The following OOSP4A variants were observed in gnomAD, a reference collection of about 807,000 sequenced individuals.
The protein encoded by OOSP4A is oocyte-secreted protein 4A.
chr11:59,968,129 C>A (rs1372946373), intron 3 of OOSP4A, among the ~76,000 whole-genome samples: 1 of 152,172 alleles, frequency 6.6e-6, no homozygotes, highest in African/African-American at 2.4e-5. Context: ...TTAGTATAAT[C>A]TGAGTAGTAC....
intron 2 of OOSP4A, among the ~76,000 whole-genome samples, chr11:59,966,454 G>A (rs1854099866): frequency 6.6e-6 from 1 of 150,752 alleles, no homozygotes; most frequent in Non-Finnish European, 1.5e-5. Flanking sequence ...ATTTAGGTCT[G>A]CCTAAATCAG....
intron 3 of OOSP4A, 34 bp from the exon 4 acceptor site, chr11:59,969,116 A>C: frequency 2.5e-6 from 1 of 398,272 alleles, no homozygotes; most frequent in East Asian, 3.6e-5. Context: ...CATAATATAT[A>C]CAAAGCTTAA....
chr11:59,965,597 G>A (rs2134584426), exon 2 of OOSP4A: 1 of 398,494 alleles, frequency 2.5e-6, no homozygotes, highest in South Asian at 1.3e-4. Context: ...GCTGTTAAAT[G>A]ACCTGCAACC....
At chr11:59,966,209 G>A (rs1049485282) in intron 2 of OOSP4A, among the ~76,000 whole-genome samples, 4 of 146,160 alleles carry the variant, frequency 2.7e-5, no homozygotes, top group African/African-American at 5.1e-5. Flanking sequence ...GCTATGTTTT[G>A]TAATTATAGC....
intron 2 of OOSP4A, among the ~76,000 whole-genome samples, chr11:59,966,199 G>A (rs1205741882): frequency 6.9e-6 from 1 of 145,110 alleles, no homozygotes; most frequent in Non-Finnish European, 1.5e-5. Context: ...TTAAATTGTT[G>A]CTATGTTTTG....
At chr11:59,969,960 C>T (rs1025938835) in intron 4 of OOSP4A, 89 bp from the exon 5 acceptor site, 21 of 395,464 alleles carry the variant, frequency 5.3e-5, no homozygotes, top group Non-Finnish European at 8.0e-5. Context: ...CTTTTTCCCA[C>T]GTTCCCACTT....
intron 1 of OOSP4A, among the ~76,000 whole-genome samples, chr11:59,964,464 C>T (rs900319768): frequency 1.3e-4 from 20 of 152,136 alleles, no homozygotes; most frequent in African/African-American, 4.1e-4. Context: ...AGGAGGTTAC[C>T]TAGGTCTACA....
At chr11:59,968,198 G>A (rs1241357174) in intron 3 of OOSP4A, among the ~76,000 whole-genome samples, 1 of 152,162 alleles carries the variant, frequency 6.6e-6, no homozygotes, top group East Asian at 1.9e-4. Context: ...GAAAGAGGTT[G>A]GGTCACAATT....
At chr11:59,969,331 T>C (rs1486624852) in intron 4 of OOSP4A, 47 bp downstream of exon 4, 1 of 397,756 alleles carries the variant, frequency 2.5e-6, no homozygotes, top group African/African-American at 2.1e-5. Flanking sequence ...AGTACATTTA[T>C]ATAAAAAAGG....
chr11:59,967,019 A>T (rs1357623300), intron 2 of OOSP4A, 48 bp from the exon 3 acceptor site: 1 of 396,828 alleles, frequency 2.5e-6, no homozygotes, highest in East Asian at 3.6e-5. Context: ...ATTTGAAAGC[A>T]TTTGAAAGAG....
chr11:59,967,500 G>A (rs889452129), intron 3 of OOSP4A, among the ~76,000 whole-genome samples: 9 of 152,074 alleles, frequency 5.9e-5, no homozygotes, highest in African/African-American at 2.2e-4. Context: ...TATTATAGGA[G>A]TTCTTAAGTT....
At chr11:59,969,762 C>T (rs1243902725) in intron 4 of OOSP4A, among the ~76,000 whole-genome samples, 2 of 152,156 alleles carry the variant, frequency 1.3e-5, no homozygotes, top group Non-Finnish European at 2.9e-5. Flanking sequence ...CACGTATCAA[C>T]CGACCCTCAT....
chr11:59,969,573 T>C (rs1471410716), intron 4 of OOSP4A, among the ~76,000 whole-genome samples: 1 of 152,248 alleles, frequency 6.6e-6, no homozygotes, highest in Non-Finnish European at 1.5e-5. Flanking sequence ...CATATAAGTA[T>C]GGAATGGGAT....
At chr11:59,969,388 T>C in intron 4 of OOSP4A, 104 bp downstream of exon 4, 2 of 396,644 alleles carry the variant, frequency 5.0e-6, no homozygotes, top group Non-Finnish European at 8.9e-6. Context: ...TGTGTACTAT[T>C]GCCCATATGA....
chr11:59,970,116 T>C, exon 5 of OOSP4A: 1 of 398,144 alleles, frequency 2.5e-6, no homozygotes, highest in Non-Finnish European at 4.4e-6. Flanking sequence ...AGCTGTACAT[T>C]CTGGATGATG....
downstream of OOSP4A, chr11:59,970,207 G>A (rs754690120): frequency 7.6e-6 from 3 of 396,310 alleles, no homozygotes; most frequent in Non-Finnish European, 1.3e-5. Context: ...ACTGGATATT[G>A]TCTTTTATCA....
chr11:59,970,149 A>C (rs1854140215), downstream of OOSP4A: 2 of 397,714 alleles, frequency 5.0e-6, no homozygotes, highest in Admixed American at 8.8e-5. Flanking sequence ...TTCACCTGGT[A>C]CTCTGGCTGC....
intron 1 of OOSP4A, among the ~76,000 whole-genome samples, chr11:59,964,348 A>G (rs1177488460): frequency 6.6e-6 from 1 of 151,840 alleles, no homozygotes; most frequent in African/African-American, 2.4e-5. Flanking sequence ...TACATGCAAA[A>G]TATTTCCAGG....
At chr11:59,969,889 G>A (rs901504847) in intron 4 of OOSP4A, among the ~76,000 whole-genome samples, 160 bp from the exon 5 acceptor site, 1 of 152,064 alleles carries the variant, frequency 6.6e-6, no homozygotes, top group Non-Finnish European at 1.5e-5. Context: ...TGTATATATC[G>A]TATTTGTGAT....
Sources: allele counts gnomAD v4.1 joint callset (sites outside exome capture counted in the v4.1 genomes callset), GRCh38; gene constraint gnomAD v4.1.1; transcripts MANE v1.5; gene names NCBI Gene and HGNC (gene_info 2026-07-23, HGNC 2026-07-21).